ZNF316: variants seen among roughly 807,000 people sequenced by gnomAD.
The protein encoded by ZNF316 is zinc finger protein 316.
ZNF316 carries 23 observed loss-of-function variants against 75.6 expected under a neutral mutation model. The ratio of observed to expected loss-of-function variants is 0.30; its 90% CI spans 0.22 to 0.43. The LOEUF (loss-of-function observed/expected upper bound fraction) is 0.43. ZNF316 is among the 20% of genes least tolerant of loss of function. ZNF316 has a pLI of 1.00. For synonymous variants in ZNF316, 827 were observed against 666.2 expected (o/e 1.24, Z -3.72); for missense variants, 1,266 against 1,409.4 (o/e 0.90, Z 1.63).
chr7:6,654,560 C>G lies in ZNF316; in HGVS notation c.2964C>G (p.His988Gln). 8.4e-7 allele frequency: 1 copy of G among 1,187,660 alleles called. No homozygotes were observed. The highest frequency in any genetic ancestry group is 1.0e-6 in the Non-Finnish European group (1 of 959,664). 73.6% of individuals were successfully genotyped at this position (1,187,660 alleles called of 1,614,324 possible). ...FAGGTSFGSEHQAAFAGPSGA... is the reference protein window; with the variant it reads ...FAGGTSFGSEQQAAFAGPSGA... ...GCGGCACAAGCTTCGGCTCCGAGCA[C>G]CAGGCCGCGTTCGCCGGGCCCTCGG... Residue 988 changes from histidine (H) to glutamine (Q), a missense_variant, in exon 9 of 9, where the codon CAC (histidine) becomes CAG (glutamine). By Grantham distance (24) the His-to-Gln change is conservative. Coordinates refer to ENST00000382252, the MANE Select transcript of ZNF316 (RefSeq NM_001278559.2).
rs1382004528 is a variant in ZNF316, at chr7:6,654,655, C to T, written c.*44C>T. 8.6e-7 allele frequency: 1 copy of T among 1,166,696 alleles called. No individual in the cohort carries two copies. The highest frequency in any genetic ancestry group is 1.1e-6 in the Non-Finnish European group (1 of 945,524). 72.3% of individuals were successfully genotyped at this position (1,166,696 alleles called of 1,614,324 possible). A position where few individuals can be genotyped will look rare whatever the true frequency, so the allele number is the denominator to read the frequency against. The stretch of plus-strand genomic sequence containing the variant: ...CAGCGCAGCCTGCAGGGCCACCGGC[C>T]CCTCCCTTGGACGGCCGGCCCCCCG... On this transcript the variant is annotated 3_prime_UTR_variant, in exon 9 of 9. Coordinates refer to ENST00000382252, the MANE Select transcript of ZNF316 (RefSeq NM_001278559.2).
intron 8 of ZNF316, among the ~76,000 whole-genome samples, chr7:6,649,168 C>T (rs750537509): frequency 6.6e-6 from 1 of 152,160 alleles, no homozygotes; most frequent in African/African-American, 2.4e-5. Flanking sequence ...AGCCTCTGAT[C>T]GGCCTCTCCT....
Position 6,653,643 on chromosome 7 carries a change from G to T in ZNF316, c.2047G>T (p.Ala683Ser), listed in dbSNP as rs953778717. ...GGLLAEPAPA[A>S]LAEEESPWIC... ...TCTGCTGGCGGAGCCCGCGCCGGCCGCGCTGGCGGAGGAGGAGAGCCCGTG... is the reference window on the plus strand; with the variant it reads ...TCTGCTGGCGGAGCCCGCGCCGGCCTCGCTGGCGGAGGAGGAGAGCCCGTG... The change falls in exon 9 of 9, where the codon GCG becomes TCG. Residue 683 changes from alanine (A) to serine (S), a missense_variant. Coordinates refer to ENST00000382252, the MANE Select transcript of ZNF316 (RefSeq NM_001278559.2). 3.7e-5 allele frequency: 40 copies of T among 1,066,892 alleles called. No individual in the cohort carries two copies. Among genetic ancestry groups the T allele is most frequent in the Non-Finnish European group, 4.3e-5 (38 of 881,020 alleles). 66.1% of individuals were successfully genotyped at this position (1,066,892 alleles called of 1,614,324 possible). A position where few individuals can be genotyped will look rare whatever the true frequency, so the allele number is the denominator to read the frequency against.
rs539380675 is a variant in ZNF316 at position 6,640,815 on chromosome 7, A to G, written c.-166-1010A>G. 6.6e-6 allele frequency among the ~76,000 whole-genome samples: 1 copy of G among 152,294 alleles called. No individual in the cohort carries two copies. The highest frequency in any genetic ancestry group is 2.1e-4 in the South Asian group (1 of 4,830). On this transcript the variant is annotated intron_variant, in intron 3 of 8. Coordinates refer to ENST00000382252, the MANE Select transcript of ZNF316 (RefSeq NM_001278559.2). The surrounding 1 kb of genome is among the most constrained non-coding windows in gnomAD (Gnocchi z 5.1). ...TTGGTGATAAGGGAGTTCTCAGTTC[A>G]CAAGAGATCTGGTTGTTTTAAAAGA...
Position 6,657,155 on chromosome 7 carries a change from A to G in ZNF316, c.*2544A>G, listed in dbSNP as rs936017840. Among the ~76,000 whole-genome samples the G allele has an allele frequency of 6.6e-5, 10 of 152,080 alleles. No homozygotes were observed. In the East Asian group the frequency reaches 1.4e-3, roughly 21 times the overall value. Reference sequence around the variant, plus strand: ...ATTACAGGCATGTGCCACCATGCCCAGCGAGTTTTTTTGTATTTTTAGTAG... The same window carrying G: ...ATTACAGGCATGTGCCACCATGCCCGGCGAGTTTTTTTGTATTTTTAGTAG... On this transcript the variant is annotated 3_prime_UTR_variant, in exon 9 of 9. Coordinates refer to ENST00000382252, the MANE Select transcript of ZNF316 (RefSeq NM_001278559.2).
rs371465432 is a variant in ZNF316, at chr7:6,657,643, C to T, written c.*3032C>T. 6.6e-6 allele frequency among the ~76,000 whole-genome samples: 1 copy of T among 151,888 alleles called. No homozygotes were observed. Among genetic ancestry groups the T allele is most frequent in the Non-Finnish European group, 1.5e-5 (1 of 67,954 alleles). Reference sequence around the variant, plus strand: ...GATGGATTCCTTGAGCTCAGGAGTTCGAGGCCAGCTGGGACAACACGGCAA... The same window carrying T: ...GATGGATTCCTTGAGCTCAGGAGTTTGAGGCCAGCTGGGACAACACGGCAA... On this transcript the variant is annotated 3_prime_UTR_variant, in exon 9 of 9. Coordinates refer to ENST00000382252, the MANE Select transcript of ZNF316 (RefSeq NM_001278559.2).
intron 8 of ZNF316, among the ~76,000 whole-genome samples, chr7:6,646,443 G>A (rs1489123677): frequency 6.6e-6 from 1 of 152,206 alleles, no homozygotes; most frequent in African/African-American, 2.4e-5. Flanking sequence ...GTTAGGGGTA[G>A]AGCCTTGTGC....
intron 7 of ZNF316, 106 bp from the exon 8 acceptor site, chr7:6,644,374 T>C: frequency 1.9e-6 from 1 of 528,792 alleles, no homozygotes. Context: ...GGGCTGGTGC[T>C]GGGAAGATGG....
At chr7:6,645,367 A>G (rs1214289745) in intron 8 of ZNF316, among the ~76,000 whole-genome samples, 1 of 152,118 alleles carries the variant, frequency 6.6e-6, no homozygotes, top group East Asian at 1.9e-4. Context: ...GTAGATTTGG[A>G]GCACCTCATA....
In ZNF316 at chr7:6,640,788, C is replaced by T. The variant is rs1779299743; in HGVS notation, c.-166-1037C>T. ...CCTCATGAATGGTCTAGCACCGTCCCCTTGGTGATAAGGGAGTTCTCAGTT... is the reference window on the plus strand; with the variant it reads ...CCTCATGAATGGTCTAGCACCGTCCTCTTGGTGATAAGGGAGTTCTCAGTT... On this transcript the variant is annotated intron_variant, in intron 3 of 8. Transcript: ENST00000382252. The surrounding 1 kb of genome is among the most constrained non-coding windows in gnomAD (Gnocchi z 5.1). Among the ~76,000 whole-genome samples, 1 of 152,158 alleles carries T rather than the reference C, an allele frequency of 6.6e-6. No homozygotes were observed. Among genetic ancestry groups the T allele is most frequent in the African/African-American group, 2.4e-5 (1 of 41,444 alleles).
chr7:6,640,646 C>T lies in ZNF316; in HGVS notation c.-166-1179C>T, dbSNP rs1779296599. ...GACAAACATCCAGGCTCCATCAGTC[C>T]CCTTCCAGTCTCACGCTGAAGCATG... is the stretch of plus-strand genomic sequence containing the variant. On this transcript the variant is annotated intron_variant, in intron 3 of 8. Transcript: ENST00000382252. This position sits in a 1 kb window ranked among gnomAD's most constrained non-coding sequence, Gnocchi z 5.1. Among the ~76,000 whole-genome samples, 12 of 152,302 alleles carry T rather than the reference C, an allele frequency of 7.9e-5. No individual in the cohort carries two copies. The South Asian group carries it at 2.5e-3, about 32-fold the overall frequency.
Position 6,642,387 on chromosome 7 carries a change from G to A in ZNF316, c.-23G>A, listed in dbSNP as rs987402864. ...GGCGTCCATCTGCATTTCAGGCCAC[G>A]TGGAGGCTCGCTCCCAGGGAGGATG... is the stretch of plus-strand genomic sequence containing the variant. On this transcript the variant is annotated 5_prime_UTR_variant, in exon 5 of 9. In the 5' UTR this introduces an upstream ATG that the reference lacks. Coordinates refer to ENST00000382252, the MANE Select transcript of ZNF316 (RefSeq NM_001278559.2). The surrounding 1 kb of genome is among the most constrained non-coding windows in gnomAD (Gnocchi z 8.1). 2 of 1,230,984 alleles carry A rather than the reference G, an allele frequency of 1.6e-6. No individual in the cohort carries two copies. Among genetic ancestry groups the A allele is most frequent in the Non-Finnish European group, 2.0e-6 (2 of 987,060 alleles). 76.3% of individuals were successfully genotyped at this position (1,230,984 alleles called of 1,614,324 possible).
intron 8 of ZNF316, among the ~76,000 whole-genome samples, chr7:6,646,705 G>T (rs916169965): frequency 2.0e-5 from 3 of 151,920 alleles, no homozygotes; most frequent in Admixed American, 6.5e-5. Context: ...GATGCTCCCC[G>T]CCTCCCCCAG....
In ZNF316 at chr7:6,653,976, G is replaced by A; in HGVS notation, c.2380G>A (p.Gly794Arg). The change falls in exon 9 of 9, where the codon GGG (glycine) becomes AGG (arginine). Residue 794 changes from glycine to arginine, a missense_variant. Physicochemically the swap from Gly to Arg is moderately radical, Grantham distance 125. This residue lies in a region of ZNF316 where 194 missense variants were observed against 319.2 expected (regional missense o/e 0.61). Transcript: ENST00000382252. ...CCGTCGCGCGCACTTGACGGCGCACGGGCGCGCGCACACCGGGGAGCGGCC... is the reference window on the plus strand; with the variant it reads ...CCGTCGCGCGCACTTGACGGCGCACAGGCGCGCGCACACCGGGGAGCGGCC... Reference protein sequence around the residue: ...FSRRAHLTAHGRAHTGERPYA... With the variant: ...FSRRAHLTAHRRAHTGERPYA... 8.5e-7 allele frequency: 1 copy of A among 1,171,416 alleles called. No individual in the cohort carries two copies. The highest frequency in any genetic ancestry group is 1.1e-6 in the Non-Finnish European group (1 of 950,016). 72.6% of individuals were successfully genotyped at this position (1,171,416 alleles called of 1,614,324 possible). A position where few individuals can be genotyped will look rare whatever the true frequency, so the allele number is the denominator to read the frequency against.
chr7:6,654,591 T>C lies in ZNF316; in HGVS notation c.2995T>C (p.Tyr999His), dbSNP rs1779583528. ...QAAFAGPSGAYREGVL is the reference protein window; with the variant it reads ...QAAFAGPSGAHREGVL ...CGCGTTCGCCGGGCCCTCGGGCGCC[T>C]ACCGGGAGGGCGTCCTGTGAGGGGC... Residue 999 changes from tyrosine to histidine, a missense_variant, in exon 9 of 9, where the codon TAC (tyrosine) becomes CAC (histidine). Tyr to His is a moderately conservative substitution (Grantham distance 83, BLOSUM62 2). This residue lies in a region of ZNF316 where 111 missense variants were observed against 99.2 expected (regional missense o/e 1.12). Transcript: ENST00000382252. 7 of 1,186,120 alleles carry C rather than the reference T, an allele frequency of 5.9e-6. No homozygotes were observed. Among genetic ancestry groups the C allele is most frequent in the Non-Finnish European group, 7.3e-6 (7 of 958,636 alleles). The allele number at this position is 1,186,120 out of a possible 1,614,324, so 73.5% of individuals were successfully genotyped here.
rs1490835359 is a variant in ZNF316, at chr7:6,654,179, C to T, written c.2583C>T (p.Cys861=). Residue 861 remains cysteine, a synonymous_variant, in exon 9 of 9, where the codon TGC becomes TGT. Coordinates refer to ENST00000382252, the MANE Select transcript of ZNF316 (RefSeq NM_001278559.2). ...ACACGGGCGAGAAGCCCTTCCGCTG[C>T]GCCGACTGCGGCCGCGGCTTCGCGC... ...RTHTGEKPFR[C]ADCGRGFAQR... is the part of the protein sequence containing the mutation. 7.4e-6 allele frequency: 9 copies of T among 1,223,574 alleles called. No homozygotes were observed. In the East Asian group the frequency reaches 9.9e-5, roughly 13 times the overall value. 75.8% of individuals were successfully genotyped at this position (1,223,574 alleles called of 1,614,324 possible). A position where few individuals can be genotyped will look rare whatever the true frequency, so the allele number is the denominator to read the frequency against.
Position 6,653,217 on chromosome 7 carries a change from G to C in ZNF316, c.1621G>C (p.Glu541Gln), listed in dbSNP as rs1779545896. 1.6e-6 allele frequency: 2 copies of C among 1,223,344 alleles called. No individual in the cohort carries two copies. Among genetic ancestry groups the C allele is most frequent in the Non-Finnish European group, 2.0e-6 (2 of 982,840 alleles). 75.8% of individuals were successfully genotyped at this position (1,223,344 alleles called of 1,614,324 possible). A position where few individuals can be genotyped will look rare whatever the true frequency, so the allele number is the denominator to read the frequency against. ...CACGGACCCTGGGCCAGAGGGATCT[G>C]AAGTTGGCGAGGCGGACGGAGAGGC... ...EDTDPGPEGS[E>Q]VGEADGEAEA... Residue 541 changes from glutamate (E) to glutamine (Q), a missense_variant, in exon 9 of 9, where the codon GAA (glutamate) becomes CAA (glutamine). Physicochemically the swap from Glu to Gln is conservative, Grantham distance 29. Around this residue, in one of 3 missense-constraint regions of ZNF316, gnomAD observed 961 missense variants for 990.9 expected, o/e 0.97. Coordinates refer to ENST00000382252, the MANE Select transcript of ZNF316 (RefSeq NM_001278559.2).
intron 8 of ZNF316, among the ~76,000 whole-genome samples, chr7:6,648,691 G>A (rs1281040427): frequency 6.6e-6 from 1 of 152,174 alleles, no homozygotes; most frequent in African/African-American, 2.4e-5. Context: ...CCCAGACAGA[G>A]CCCGGGCCCC....
chr7:6,641,668 G>A (rs532376552), intron 3 of ZNF316, among the ~76,000 whole-genome samples, 157 bp from the exon 4 acceptor site: 3 of 152,368 alleles, frequency 2.0e-5, no homozygotes, highest in South Asian at 4.1e-4. Context: ...AAGAGTCTCT[G>A]ATCCCCAAAC....
Sources: gnomAD v4.1 joint callset for allele counts (sites outside exome capture counted in the v4.1 genomes callset) on GRCh38, gnomAD v4.1.1 for gene constraint, gnomAD v4.1.1 regional missense constraint, Gnocchi (gnomAD v3.1) non-coding constraint, MANE v1.5 for transcripts, NCBI Gene and HGNC (gene_info 2026-07-23, HGNC 2026-07-21) for gene names.